The following BFSP2 variants were observed in gnomAD, a reference collection of about 807,000 sequenced individuals.
The protein encoded by BFSP2 is beaded filament structural protein 2, also known as phakinin.
Under a neutral mutation model 44.9 loss-of-function variants are expected in BFSP2, and 38 were observed. That is an observed-to-expected ratio of 0.85 (90% confidence interval 0.65 to 1.11). The LOEUF is 1.11. BFSP2 is among the 50% of genes least tolerant of loss of function. BFSP2 has a pLI of 0.00. For missense variants in BFSP2, 525 were observed against 533.0 expected (o/e 0.99, Z 0.15); for synonymous variants, 197 against 209.9 (o/e 0.94, Z 0.53).
chr3:133,445,826 GA>G (rs1446518940), intron 1 of BFSP2, among the ~76,000 whole-genome samples: 10 of 152,128 alleles, frequency 6.6e-5, no homozygotes, highest in African/African-American at 2.2e-4. Flanking sequence ...CTGGAACCAA[GA>G]CCCCATAGAT....
intron 1 of BFSP2, among the ~76,000 whole-genome samples, chr3:133,414,675 C>T (rs1358545092): frequency 2.5e-5 from 2 of 79,216 alleles, no homozygotes; most frequent in African/African-American, 1.1e-4. Context: ...CTACTCACTC[C>T]TCTACTCACC....
rs537358887 is a variant in BFSP2, at chr3:133,448,414, G to A, written c.573-75G>A. On this transcript the variant is annotated intron_variant, in intron 2 of 6. Coordinates refer to ENST00000302334, the MANE Select transcript of BFSP2 (RefSeq NM_003571.4). ...TGTCTAACTATCACATAATTGGCCT[G>A]TTGGTAACATTTATAATCTGATTCT... 34 of 1,570,500 alleles carry A rather than the reference G, an allele frequency of 2.2e-5. 1 individual carries two copies. In the South Asian group the frequency reaches 3.6e-4, roughly 17 times the overall value.
intron 5 of BFSP2, among the ~76,000 whole-genome samples, chr3:133,467,173 C>A (rs2074118465): frequency 6.6e-6 from 1 of 152,212 alleles, no homozygotes. Context: ...ATATCTCTTA[C>A]CAGGCTGCTG....
intron 2 of BFSP2, among the ~76,000 whole-genome samples, chr3:133,448,244 T>C (rs545661911): frequency 4.6e-5 from 7 of 152,192 alleles, no homozygotes; most frequent in Non-Finnish European, 1.0e-4. Context: ...GAGTTCTGTG[T>C]TGCAACACTC....
In BFSP2 at chr3:133,472,487, C is replaced by G; in HGVS notation, c.1166C>G (p.Ala389Gly). The G allele has an allele frequency of 6.2e-7, 1 of 1,613,610 alleles. No homozygotes were observed. The highest frequency in any genetic ancestry group is 2.2e-5 in the East Asian group (1 of 44,888). The change falls in exon 6 of 7, where the codon GCG (alanine) becomes GGG (glycine). Residue 389 changes from alanine to glycine, a missense_variant. Coordinates refer to ENST00000302334, the MANE Select transcript of BFSP2 (RefSeq NM_003571.4). ...AEAEQQQQERAHLLARKCQLQ... is the reference protein window; with the variant it reads ...AEAEQQQQERGHLLARKCQLQ... The stretch of plus-strand genomic sequence containing the variant: ...GCGGAGCAGCAGCAACAGGAGCGCG[C>G]GCATCTGCTGGCCCGCAAGTGCCAG...
At chr3:133,462,921 T>A (rs1168996142) in intron 4 of BFSP2, among the ~76,000 whole-genome samples, 1 of 152,182 alleles carries the variant, frequency 6.6e-6, no homozygotes, top group African/African-American at 2.4e-5. Context: ...CAACCTCAAT[T>A]CTTGCCTCCT....
At chr3:133,443,077 C>G (rs894475012) in intron 1 of BFSP2, among the ~76,000 whole-genome samples, 7 of 152,146 alleles carry the variant, frequency 4.6e-5, no homozygotes, top group African/African-American at 1.7e-4. Context: ...CCAGGCTGGT[C>G]TGGAACAACT....
chr3:133,463,988 TC>T (rs895770276), intron 4 of BFSP2, among the ~76,000 whole-genome samples: 98 of 152,142 alleles, frequency 6.4e-4, no homozygotes, highest in Non-Finnish European at 7.1e-4. Flanking sequence ...AAAAATCAGC[TC>T]CCGTGAGCTG....
chr3:133,457,661 T>A (rs2074024639), intron 4 of BFSP2, among the ~76,000 whole-genome samples: 1 of 152,206 alleles, frequency 6.6e-6, no homozygotes, highest in South Asian at 2.1e-4. Context: ...ACAAGCCAAA[T>A]CTGACCCATT....
At chr3:133,473,714 C>G in intron 6 of BFSP2, among the ~76,000 whole-genome samples, 1 of 151,520 alleles carries the variant, frequency 6.6e-6, no homozygotes, top group Admixed American at 6.6e-5. Flanking sequence ...TCTTGCACCG[C>G]CCTTAATCCA....
Position 133,400,544 on chromosome 3 carries a change from G to T in BFSP2, c.461G>T (p.Arg154Leu), listed in dbSNP as rs756099408. ...CGCTCGGGAAACTGGGGTGCCCTACGGGCTTCCTGGGCCAGCAGCTGCCAG... is the reference window on the plus strand; with the variant it reads ...CGCTCGGGAAACTGGGGTGCCCTACTGGCTTCCTGGGCCAGCAGCTGCCAG... The part of the protein sequence containing the change: ...ATRSGNWGAL[R>L]ASWASSCQQV... The change falls in exon 1 of 7, where the codon CGG becomes CTG. Residue 154 changes from arginine (R) to leucine (L), a missense_variant. Transcript: ENST00000302334. This position sits in a 1 kb window ranked among gnomAD's most constrained non-coding sequence, Gnocchi z 4.0. The T allele has an allele frequency of 4.3e-6, 7 of 1,610,538 alleles. No homozygotes were observed. In the South Asian group the frequency reaches 7.7e-5, roughly 18 times the overall value.
intron 1 of BFSP2, among the ~76,000 whole-genome samples, chr3:133,402,158 A>C (rs1163469474): frequency 1.3e-5 from 2 of 152,224 alleles, no homozygotes; most frequent in African/African-American, 4.8e-5. Context: ...TCTGCTGGAC[A>C]ATCGCTTGCA....
At position 133,426,646 on chromosome 3, in the gene BFSP2, C is replaced by T. The variant is rs147127329; in HGVS notation, c.490-20671C>T. Among the ~76,000 whole-genome samples, 217 of 152,324 alleles carry T rather than the reference C, an allele frequency of 1.4e-3. 1 individual carries two copies. Among genetic ancestry groups the T allele is most frequent in the African/African-American group, 4.5e-3 (189 of 41,576 alleles). On this transcript the variant is annotated intron_variant, in intron 1 of 6. Coordinates refer to ENST00000302334, the MANE Select transcript of BFSP2 (RefSeq NM_003571.4). ...CCATCAAACTTCCATCTTGATTCTTCATCTTTCATGATTTCCAAGAGCTCT... is the reference window on the plus strand; with the variant it reads ...CCATCAAACTTCCATCTTGATTCTTTATCTTTCATGATTTCCAAGAGCTCT...
At chr3:133,444,114 A>G (rs970230731) in intron 1 of BFSP2, among the ~76,000 whole-genome samples, 2 of 151,926 alleles carry the variant, frequency 1.3e-5, no homozygotes, top group Non-Finnish European at 2.9e-5. Context: ...GTATATATAT[A>G]CATATATATA....
chr3:133,469,913 GC>G, intron 5 of BFSP2, among the ~76,000 whole-genome samples: 1 of 152,340 alleles, frequency 6.6e-6, no homozygotes, highest in East Asian at 1.9e-4. Flanking sequence ...AGAAGATGGA[GC>G]AAAAACTATA....
chr3:133,439,942 G>GAGAA (rs1439848400), intron 1 of BFSP2, among the ~76,000 whole-genome samples: 2 of 151,918 alleles, frequency 1.3e-5, no homozygotes, highest in Non-Finnish European at 2.9e-5. Context: ...GAGAGAGAGA[G>GAGAA]AGAAAGCAAT....
chr3:133,432,893 T>A (rs1486995500), intron 1 of BFSP2, among the ~76,000 whole-genome samples: 1 of 152,196 alleles, frequency 6.6e-6, no homozygotes, highest in African/African-American at 2.4e-5. Flanking sequence ...TCCAAACAAC[T>A]TGACCTTACT....
chr3:133,423,332 T>A (rs1463064417), intron 1 of BFSP2, among the ~76,000 whole-genome samples: 1 of 152,206 alleles, frequency 6.6e-6, no homozygotes, highest in African/African-American at 2.4e-5. Flanking sequence ...AATTCCAACG[T>A]CCTGTACTAT....
In BFSP2 at chr3:133,400,429, G is replaced by T. The variant is rs991256139; in HGVS notation, c.346G>T (p.Val116Leu). The stretch of plus-strand genomic sequence containing the variant: ...TGTTGAGGACCTAGGGGGCTGCCTG[G>T]TGGAATATATGGCCAAAGTGCACGC... The part of the protein sequence containing the change: ...GAVEDLGGCL[V>L]EYMAKVHALE... The change falls in exon 1 of 7, where the codon GTG (valine) becomes TTG (leucine). Residue 116 changes from valine to leucine, a missense_variant. Transcript: ENST00000302334. This position sits in a 1 kb window ranked among gnomAD's most constrained non-coding sequence, Gnocchi z 4.0. 1.2e-6 allele frequency: 2 copies of T among 1,613,978 alleles called. No individual in the cohort carries two copies. Among genetic ancestry groups the T allele is most frequent in the Admixed American group, 3.3e-5 (2 of 60,016 alleles).
Sources: gnomAD v4.1 joint callset for allele counts (sites outside exome capture counted in the v4.1 genomes callset) on GRCh38, gnomAD v4.1.1 for gene constraint, Gnocchi (gnomAD v3.1) non-coding constraint, MANE v1.5 for transcripts, NCBI Gene and HGNC (gene_info 2026-07-23, HGNC 2026-07-21) for gene names.